The following EMP2 variants were observed in gnomAD, a reference collection of about 807,000 sequenced individuals.
EMP2 encodes the protein epithelial membrane protein 2.
Under a neutral mutation model 13.7 loss-of-function variants are expected in EMP2, and 19 were observed. That is an observed-to-expected ratio of 1.38 (90% CI 0.97 to 2.03). The LOEUF (loss-of-function observed/expected upper bound fraction) is 2.03, where lower values mean the gene tolerates loss of function less well. Among genes scored for constraint, EMP2 ranks in the 30% most tolerant of loss-of-function variants. The pLI is 0.00. For missense variants in EMP2, 253 were observed against 220.7 expected (o/e 1.15, Z -0.93); for synonymous variants, 97 against 84.7 (o/e 1.15, Z -0.80).
intron 4 of EMP2, among the ~76,000 whole-genome samples, chr16:10,536,163 G>T (rs1169420627): frequency 3.3e-5 from 5 of 152,260 alleles, no homozygotes; most frequent in Admixed American, 3.3e-4. Flanking sequence ...AGGGGACGCT[G>T]AGTGTGACCA....
intron 1 of EMP2, among the ~76,000 whole-genome samples, chr16:10,549,888 T>C (rs922687655): frequency 9.4e-5 from 13 of 137,762 alleles, no homozygotes; most frequent in East Asian, 4.0e-4. Context: ...TTTTTCTTTT[T>C]TTTTTTTTTT....
intron 1 of EMP2, among the ~76,000 whole-genome samples, chr16:10,556,840 T>C (rs79141094): frequency 0.014 from 2,195 of 152,254 alleles, 50 homozygotes; most frequent in African/African-American, 0.05. Context: ...ACAGGGCATT[T>C]TTATACGACT....
chr16:10,576,794 A>G (rs948131250), intron 1 of EMP2: 13 of 152,214 alleles, frequency 8.5e-5, no homozygotes, highest in Admixed American at 3.3e-4. Flanking sequence ...AACAAAACCA[A>G]CAGTGTCTCT....
chr16:10,541,531 T>C (rs1296571711), intron 3 of EMP2, among the ~76,000 whole-genome samples: 2 of 151,990 alleles, frequency 1.3e-5, no homozygotes, highest in African/African-American at 4.8e-5. Context: ...TAAAGAAAAA[T>C]AAGTGAATAA....
intron 4 of EMP2, among the ~76,000 whole-genome samples, chr16:10,533,683 CAT>C (rs2050625929): frequency 6.6e-6 from 1 of 152,152 alleles, no homozygotes; most frequent in Non-Finnish European, 1.5e-5. Flanking sequence ...TTTACAAAAA[CAT>C]GTGGCAGGCC....
rs533623230 is a variant in EMP2, at chr16:10,568,446, AATGCTTTTTTCACG to A, written c.-61+12089_-61+12102del. Among the ~76,000 whole-genome samples, 751 of 152,318 alleles carry A rather than the reference AATGCTTTTTTCACG, an allele frequency of 4.9e-3. 4 individuals carry two copies. The highest frequency in any genetic ancestry group is 8.6e-3 in the Non-Finnish European group (583 of 68,022). The stretch of plus-strand genomic sequence containing the variant: ...TTGCTTGGTTCCAGAGAGAGAACTA[AATGCTTTTTTCACG>A]ATGCCTCCTGGGAAAAAGAACAGAC... On this transcript the variant is annotated intron_variant, in intron 1 of 4. Transcript: ENST00000359543.
At chr16:10,579,393 T>A (rs1171383515) in intron 1 of EMP2, among the ~76,000 whole-genome samples, 2 of 152,186 alleles carry the variant, frequency 1.3e-5, no homozygotes, top group African/African-American at 4.8e-5. Flanking sequence ...CATAACATCA[T>A]AATCATCATT....
At chr16:10,541,596 T>C (rs1403916059) in intron 3 of EMP2, among the ~76,000 whole-genome samples, 1 of 152,184 alleles carries the variant, frequency 6.6e-6, no homozygotes, top group African/African-American at 2.4e-5. Context: ...CCCTCCCAGC[T>C]GGCCTTGCAC....
intron 2 of EMP2, chr16:10,547,305 C>A: frequency 2.1e-6 from 1 of 484,708 alleles, no homozygotes; most frequent in East Asian, 3.5e-5. Flanking sequence ...AGGGCAGTTC[C>A]CCTGCACACG....
At chr16:10,571,804 T>C (rs1401620524) in intron 1 of EMP2, among the ~76,000 whole-genome samples, 1 of 152,208 alleles carries the variant, frequency 6.6e-6, no homozygotes, top group Non-Finnish European at 1.5e-5. Flanking sequence ...ACTGAAGGTT[T>C]GCATGAAGAG....
intron 1 of EMP2, among the ~76,000 whole-genome samples, chr16:10,572,480 T>C (rs1346576790): frequency 6.6e-6 from 1 of 151,600 alleles, no homozygotes; most frequent in African/African-American, 2.4e-5. Flanking sequence ...CTCTTGACCC[T>C]CCCACAGATG....
At position 10,534,457 on chromosome 16, in the gene EMP2, A is replaced by C. The variant is rs571669883; in HGVS notation, c.317-1365T>G. Among the ~76,000 whole-genome samples the C allele has an allele frequency of 2.0e-5, 3 of 152,314 alleles. No individual in the cohort carries two copies. In the South Asian group the frequency reaches 6.2e-4, roughly 32 times the overall value. On this transcript the variant is annotated intron_variant, in intron 4 of 4. Coordinates refer to ENST00000359543, the MANE Select transcript of EMP2 (RefSeq NM_001424.6). ...TTTTCTCTCACATAAGGCCAAAAGC[A>C]CCCTAATTTTAGTACTTGTGGTCCT...
At chr16:10,562,812 G>C (rs1251081997) in intron 1 of EMP2, among the ~76,000 whole-genome samples, 1 of 152,200 alleles carries the variant, frequency 6.6e-6, no homozygotes, top group Non-Finnish European at 1.5e-5. Context: ...ATGTTTGCTA[G>C]TTTGTGCAGC....
rs187784588 is a variant in EMP2 at position 10,559,630 on chromosome 16, A to G, written c.-60-11953T>C. Among the ~76,000 whole-genome samples, 3 of 152,314 alleles carry G rather than the reference A, an allele frequency of 2.0e-5. No homozygotes were observed. The East Asian group carries it at 5.8e-4, about 29-fold the overall frequency. On this transcript the variant is annotated intron_variant, in intron 1 of 4. Transcript: ENST00000359543. ...CAAGCCCTTTTGCCTGGATTAATTT[A>G]TTCATTACTCACCAACTCTGATGAA...
chr16:10,550,418 G>C (rs2050778064), intron 1 of EMP2, among the ~76,000 whole-genome samples: 1 of 152,094 alleles, frequency 6.6e-6, no homozygotes, highest in Non-Finnish European at 1.5e-5. Context: ...GTCTGTCTTT[G>C]TTTTTCATAA....
intron 1 of EMP2, among the ~76,000 whole-genome samples, chr16:10,560,049 A>C (rs2050860774): frequency 6.6e-6 from 1 of 152,164 alleles, no homozygotes; most frequent in Admixed American, 6.5e-5. Context: ...AGCTAGTAAA[A>C]GCTGGAGCTG....
intron 2 of EMP2, chr16:10,544,829 G>C (rs146277438): frequency 6.6e-5 from 10 of 152,272 alleles, no homozygotes; most frequent in Non-Finnish European, 1.2e-4. Context: ...AGGCTGCAGT[G>C]AGCCATGATC....
chr16:10,569,617 GC>G (rs2050933022), intron 1 of EMP2, among the ~76,000 whole-genome samples: 1 of 152,144 alleles, frequency 6.6e-6, no homozygotes, highest in Non-Finnish European at 1.5e-5. Flanking sequence ...ACCACACCCA[GC>G]CCGATTCATT....
chr16:10,558,407 A>C (rs1230551276), intron 1 of EMP2, among the ~76,000 whole-genome samples: 1 of 152,104 alleles, frequency 6.6e-6, no homozygotes, highest in African/African-American at 2.4e-5. Flanking sequence ...TAACAAAGAG[A>C]ATTGACATCT....
Sources: allele counts gnomAD v4.1 joint callset (sites outside exome capture counted in the v4.1 genomes callset), GRCh38; gene constraint gnomAD v4.1.1; transcripts MANE v1.5; gene names NCBI Gene and HGNC (gene_info 2026-07-23, HGNC 2026-07-21).